Variants in GAP43 observed in about 807,000 individuals in gnomAD.
GAP43 encodes the protein neuromodulin.
A neutral mutation model predicts 18.6 loss-of-function variants in GAP43; 6 were observed. The observed-to-expected ratio is 0.32, with a 90% confidence interval of 0.18 to 0.64. The LOEUF (loss-of-function observed/expected upper bound fraction) is 0.64. Among genes scored for constraint, GAP43 ranks in the 30% least tolerant of loss-of-function variants. The probability of loss-of-function intolerance (pLI) is 0.78; values close to 1 mark genes in which losing one functional copy is unlikely to be tolerated. For synonymous variants in GAP43, 115 were observed against 111.4 expected (o/e 1.03, Z -0.20); for missense variants, 292 against 295.5 (o/e 0.99, Z 0.09).
chr3:115,707,562 A>G (rs966224687), intron 2 of GAP43, among the ~76,000 whole-genome samples: 3 of 152,306 alleles, frequency 2.0e-5, no homozygotes, highest in Admixed American at 6.5e-5. Context: ...AAGTGCTGAG[A>G]TTACAGGCAT....
intron 2 of GAP43, among the ~76,000 whole-genome samples, chr3:115,711,879 T>C (rs1046781155): frequency 4.6e-5 from 7 of 152,216 alleles, no homozygotes. Flanking sequence ...GTTGACTTAT[T>C]CATTGTAATA....
At chr3:115,647,816 A>T (rs1708475800) in intron 1 of GAP43, among the ~76,000 whole-genome samples, 1 of 151,586 alleles carries the variant, frequency 6.6e-6, no homozygotes, top group South Asian at 2.1e-4. Context: ...GCTTTTGGCT[A>T]GGGGAGCAAA....
At chr3:115,634,964 T>A (rs576094578) in intron 1 of GAP43, among the ~76,000 whole-genome samples, 47 of 152,208 alleles carry the variant, frequency 3.1e-4, no homozygotes, top group African/African-American at 1.1e-3. Context: ...GGTCTTTAAA[T>A]CAATTTTAAA....
At chr3:115,720,708 A>C in intron 2 of GAP43, 86 bp from the exon 3 acceptor site, 1 of 759,616 alleles carries the variant, frequency 1.3e-6, no homozygotes, top group Non-Finnish European at 2.2e-6. Context: ...TAAAAAGAAG[A>C]AATGCATTGC....
At chr3:115,627,482 G>A (rs1321817865) in intron 1 of GAP43, among the ~76,000 whole-genome samples, 1 of 151,478 alleles carries the variant, frequency 6.6e-6, no homozygotes, top group Non-Finnish European at 1.5e-5. Context: ...CTTTGCCTCT[G>A]TCATAGTGAA....
intron 1 of GAP43, among the ~76,000 whole-genome samples, chr3:115,652,664 G>C (rs1388883551): frequency 1.3e-5 from 2 of 152,104 alleles, no homozygotes; most frequent in Non-Finnish European, 2.9e-5. Flanking sequence ...GGGACTACAG[G>C]CATGAGCCTC....
intron 1 of GAP43, among the ~76,000 whole-genome samples, chr3:115,669,336 C>T (rs560426057): frequency 1.3e-5 from 2 of 152,196 alleles, no homozygotes; most frequent in Admixed American, 1.3e-4. Context: ...AGGATTTTAA[C>T]AAAAATTGAC....
At chr3:115,631,097 C>T (rs1049313928) in intron 1 of GAP43, among the ~76,000 whole-genome samples, 1 of 152,182 alleles carries the variant, frequency 6.6e-6, no homozygotes, top group Non-Finnish European at 1.5e-5. Flanking sequence ...AATTCCCTCT[C>T]CTGTCTGCTT....
intron 1 of GAP43, chr3:115,661,107 TACTCA>T (rs1339484924): frequency 6.6e-6 from 1 of 152,080 alleles, no homozygotes; most frequent in Non-Finnish European, 1.5e-5. Flanking sequence ...ATAAGCAATT[TACTCA>T]ACTCAGATTG....
At chr3:115,706,708 C>G (rs559947459) in intron 2 of GAP43, among the ~76,000 whole-genome samples, 28 of 152,254 alleles carry the variant, frequency 1.8e-4, no homozygotes, top group African/African-American at 6.5e-4. Context: ...ACTTTGGTCT[C>G]TGACTTCAAA....
At chr3:115,627,446 C>T (rs116314991) in intron 1 of GAP43, among the ~76,000 whole-genome samples, 1 of 151,938 alleles carries the variant, frequency 6.6e-6, no homozygotes, top group Non-Finnish European at 1.5e-5. Context: ...TCCTGTTCAC[C>T]GAGAGGGAGA....
chr3:115,698,177 A>G (rs1238776842), intron 2 of GAP43, among the ~76,000 whole-genome samples: 1 of 44,368 alleles, frequency 2.3e-5, no homozygotes, highest in African/African-American at 7.9e-5. Context: ...TATATTAAAT[A>G]ATATATATAT....
intron 1 of GAP43, among the ~76,000 whole-genome samples, chr3:115,630,475 G>A (rs1306834499): frequency 1.3e-5 from 2 of 152,188 alleles, no homozygotes; most frequent in Non-Finnish European, 2.9e-5. Context: ...GGGTTCTGAA[G>A]TAGTCCTATT....
At chr3:115,635,946 A>G (rs1456165303) in intron 1 of GAP43, among the ~76,000 whole-genome samples, 1 of 152,098 alleles carries the variant, frequency 6.6e-6, no homozygotes, top group Non-Finnish European at 1.5e-5. Context: ...CTCCTGCATT[A>G]TCATTCCCGT....
intron 2 of GAP43, among the ~76,000 whole-genome samples, chr3:115,718,046 A>G (rs1672050344): frequency 6.6e-6 from 1 of 152,170 alleles, no homozygotes; most frequent in Admixed American, 6.6e-5. Context: ...TTCAACAAAC[A>G]TGCAATTCTC....
intron 2 of GAP43, among the ~76,000 whole-genome samples, chr3:115,690,251 C>T: frequency 8.4e-6 from 1 of 118,946 alleles, no homozygotes. Context: ...ATTGTCTGAG[C>T]CCTTCTGCAG....
intron 2 of GAP43, among the ~76,000 whole-genome samples, chr3:115,707,954 A>G (rs1709385214): frequency 1.3e-5 from 2 of 151,962 alleles, no homozygotes; most frequent in African/African-American, 4.8e-5. Flanking sequence ...GGTGACATCT[A>G]CATGTCACAA....
intron 1 of GAP43, among the ~76,000 whole-genome samples, chr3:115,639,666 C>T (rs1010758924): frequency 1.3e-4 from 20 of 152,142 alleles, no homozygotes; most frequent in African/African-American, 4.6e-4. Flanking sequence ...TGATGTTATT[C>T]TATCTATCCC....
chr3:115,683,198 G>C (rs1385718880), intron 2 of GAP43, among the ~76,000 whole-genome samples: 1 of 140,914 alleles, frequency 7.1e-6, no homozygotes. Flanking sequence ...CGACAATCTT[G>C]CAATGGTAGA....
Sources: allele counts gnomAD v4.1 joint callset (sites outside exome capture counted in the v4.1 genomes callset), GRCh38; gene constraint gnomAD v4.1.1; transcripts MANE v1.5; gene names NCBI Gene and HGNC (gene_info 2026-07-23, HGNC 2026-07-21).